PATL2: variants seen among roughly 807,000 people sequenced by gnomAD.
PATL2 encodes the protein PAT1 homolog 2, also known as protein PAT1 homolog 2.
PATL2 carries 73 observed loss-of-function variants against 77.0 expected under a neutral mutation model. The observed-to-expected ratio is 0.95, with a 90% confidence interval of 0.78 to 1.15. The LOEUF (loss-of-function observed/expected upper bound fraction) is 1.15. PATL2 is among the 50% of genes most tolerant of loss of function. The pLI is 0.00. For missense variants in PATL2, 618 were observed against 655.4 expected (o/e 0.94, Z 0.62); for synonymous variants, 265 against 257.1 (o/e 1.03, Z -0.29).
intron 9 of PATL2, 119 bp downstream of exon 9, chr15:44,671,894 TTC>T (rs1344441992): frequency 6.3e-6 from 8 of 1,260,494 alleles, no homozygotes; most frequent in Non-Finnish European, 8.7e-6. Context: ...CCTGTAGTGA[TTC>T]TCTCTCCCAC....
At position 44,711,317 on chromosome 15, in the gene PATL2, A is replaced by G. The variant is rs1221362419; in HGVS notation, c.-551T>C. On this transcript the variant is annotated 5_prime_UTR_variant, in exon 1 of 18. Coordinates refer to ENST00000682850, the MANE Select transcript of PATL2 (RefSeq NM_001387263.1). ...CCCAGATCGGAGGGCGCCGATGTAC[A>G]GACAGCAAACTCACCCAGTCTAGTG... is the stretch of plus-strand genomic sequence containing the variant. 1.6e-6 allele frequency: 1 copy of G among 624,904 alleles called. No individual in the cohort carries two copies. The allele number at this position is 624,904 out of a possible 1,614,324, so 38.7% of individuals were successfully genotyped here. A position where few individuals can be genotyped will look rare whatever the true frequency, so the allele number is the denominator to read the frequency against.
At chr15:44,694,865 C>T (rs893025968) in intron 3 of PATL2, among the ~76,000 whole-genome samples, 5 of 152,078 alleles carry the variant, frequency 3.3e-5, no homozygotes, top group African/African-American at 1.2e-4. Context: ...GCCTTTCTTC[C>T]GAGGACCCTT....
intron 4 of PATL2, chr15:44,676,155 A>G (rs928687630): frequency 5.3e-5 from 22 of 414,688 alleles, no homozygotes; most frequent in Middle Eastern, 6.9e-4. Context: ...CGCCCTTTCT[A>G]TTGCCTCTTT....
At chr15:44,682,643 A>C (rs999220321) in intron 3 of PATL2, among the ~76,000 whole-genome samples, 2 of 152,254 alleles carry the variant, frequency 1.3e-5, no homozygotes, top group Non-Finnish European at 2.9e-5. Context: ...ATTCCAAGAA[A>C]CAAACCAGAA....
At chr15:44,673,441 G>A (rs2085793088) in intron 6 of PATL2, 64 bp from the exon 7 acceptor site, 2 of 1,530,618 alleles carry the variant, frequency 1.3e-6, no homozygotes, top group South Asian at 2.4e-5. Context: ...TGCTCTTGTT[G>A]TGAGGGCTCA....
At chr15:44,690,514 T>A (rs2086367447) in intron 3 of PATL2, among the ~76,000 whole-genome samples, 1 of 151,214 alleles carries the variant, frequency 6.6e-6, no homozygotes, top group South Asian at 2.1e-4. Context: ...TTTTTTTTTT[T>A]TTTGGTATAA....
intron 3 of PATL2, among the ~76,000 whole-genome samples, chr15:44,705,399 C>G (rs189611388): frequency 2.2e-4 from 34 of 152,270 alleles, no homozygotes; most frequent in Non-Finnish European, 4.3e-4. Context: ...CGAGGCTGCT[C>G]TCGAACTCCT....
At position 44,666,408 on chromosome 15, in the gene PATL2, G is replaced by C; in HGVS notation, c.1597C>G (p.Leu533Val). ...ATTACTTACTCCATCCTGGCCTCCA[G>C]CTGCTGAACCAATTGTTTGTCCACG... Reference protein sequence around the residue: ...HHVDKQLVQQLEARMEFAWIY With the variant: ...HHVDKQLVQQVEARMEFAWIY The change falls in exon 17 of 18, where the codon CTG (leucine) becomes GTG (valine). Residue 533 changes from leucine to valine, a missense_variant. Physicochemically the swap from Leu to Val is conservative, Grantham distance 32. Transcript: ENST00000682850. The C allele has an allele frequency of 1.9e-6, 3 of 1,551,712 alleles. No individual in the cohort carries two copies. Among genetic ancestry groups the C allele is most frequent in the Non-Finnish European group, 2.6e-6 (3 of 1,146,992 alleles).
At chr15:44,686,938 G>A (rs916584103) in intron 3 of PATL2, among the ~76,000 whole-genome samples, 1 of 152,132 alleles carries the variant, frequency 6.6e-6, no homozygotes, top group African/African-American at 2.4e-5. Flanking sequence ...AAAAAGTCCA[G>A]GACCAGATGG....
intron 9 of PATL2, 115 bp from the exon 10 acceptor site, chr15:44,670,202 A>G (rs2085603070): frequency 7.2e-6 from 10 of 1,396,894 alleles, no homozygotes; most frequent in South Asian, 7.1e-5. Context: ...TGTGTGTGTT[A>G]TAAGTTTTGT....
At position 44,669,800 on chromosome 15, in the gene PATL2, C is replaced by A; in HGVS notation, c.853G>T (p.Val285Leu). Residue 285 changes from valine to leucine, a missense_variant, in exon 11 of 18, where the codon GTA becomes TTA. Coordinates refer to ENST00000682850, the MANE Select transcript of PATL2 (RefSeq NM_001387263.1). ...ACCTGCTCTTGAGTTCCATGGGGTA[C>A]CGCATCAATAGCTCGGCGAGGGCTG... ...CFSPRRAIDA[V>L]PHGTQEQDIE... 6.4e-7 allele frequency: 1 copy of A among 1,551,710 alleles called. No homozygotes were observed. Among genetic ancestry groups the A allele is most frequent in the Non-Finnish European group, 8.7e-7 (1 of 1,146,996 alleles).
At chr15:44,701,849 T>A (rs963751629) in intron 3 of PATL2, among the ~76,000 whole-genome samples, 2 of 151,974 alleles carry the variant, frequency 1.3e-5, no homozygotes, top group South Asian at 4.1e-4. Context: ...CTTTTACTCA[T>A]CGCAGAAGGG....
At chr15:44,683,677 C>CT (rs1411029480) in intron 3 of PATL2, among the ~76,000 whole-genome samples, 1 of 152,234 alleles carries the variant, frequency 6.6e-6, no homozygotes, top group Non-Finnish European at 1.5e-5. Context: ...CTTCAGCAGA[C>CT]TTAAACATTC....
chr15:44,703,578 A>G (rs1053058021), intron 3 of PATL2, among the ~76,000 whole-genome samples: 2 of 151,520 alleles, frequency 1.3e-5, no homozygotes, highest in African/African-American at 2.4e-5. Flanking sequence ...CTTGAAATCT[A>G]TTTTGTCTGA....
intron 3 of PATL2, among the ~76,000 whole-genome samples, chr15:44,708,968 G>A (rs1041977994): frequency 2.0e-5 from 3 of 151,970 alleles, no homozygotes; most frequent in Non-Finnish European, 4.4e-5. Context: ...GTGCAATCTC[G>A]GCTCATTGCA....
chr15:44,703,723 C>CTTTTTTTT lies in PATL2; in HGVS notation c.-76+6365_-76+6372dup, dbSNP rs933165876. Among the ~76,000 whole-genome samples the CTTTTTTTT allele has an allele frequency of 2.7e-4, 9 of 33,012 alleles. 2 individuals carry two copies. The highest frequency in any genetic ancestry group is 8.3e-4 in the East Asian group (1 of 1,202). 21.7% of individuals were successfully genotyped at this position (33,012 alleles called of 152,430 possible). Reference sequence around the variant, plus strand: ...GTAGGCAACAAATCACCGGGTCTTGCTTTTTTTTTTTTTTTTTTTTTTTTT... The same window carrying CTTTTTTTT: ...GTAGGCAACAAATCACCGGGTCTTGCTTTTTTTTTTTTTTTTTTTTTTTTTTTTTTTTT... On this transcript the variant is annotated intron_variant, in intron 3 of 17. Coordinates refer to ENST00000682850, the MANE Select transcript of PATL2 (RefSeq NM_001387263.1).
At chr15:44,676,932 G>A (rs140699510) in intron 3 of PATL2, 27,422 of 1,009,142 alleles carry the variant, frequency 0.027, 427 homozygotes, top group Middle Eastern at 0.039. Flanking sequence ...CCTGTTTGCC[G>A]CTCCTGGCTT....
intron 16 of PATL2, chr15:44,666,761 C>A: frequency 1.8e-6 from 1 of 540,578 alleles, no homozygotes; most frequent in Non-Finnish European, 3.2e-6. Flanking sequence ...GGGTTAATAC[C>A]ATCATCCCTA....
intron 6 of PATL2, among the ~76,000 whole-genome samples, chr15:44,673,880 T>C (rs1335135571): frequency 6.6e-6 from 1 of 152,218 alleles, no homozygotes; most frequent in Non-Finnish European, 1.5e-5. Context: ...TGCTGAAAGA[T>C]TGCCTAAGGC....
Sources: gnomAD v4.1 joint callset for allele counts (sites outside exome capture counted in the v4.1 genomes callset) on GRCh38, gnomAD v4.1.1 for gene constraint, MANE v1.5 for transcripts, NCBI Gene and HGNC (gene_info 2026-07-23, HGNC 2026-07-21) for gene names.